The following MS4A8 variants were observed in gnomAD, a reference collection of about 807,000 sequenced individuals.
MS4A8 encodes membrane spanning 4-domains A8.
Under a neutral mutation model 23.7 loss-of-function variants are expected in MS4A8, and 27 were observed. The ratio of observed to expected loss-of-function variants is 1.14; its 90% CI spans 0.84 to 1.57. The LOEUF (loss-of-function observed/expected upper bound fraction) is 1.57. Ranked by LOEUF, MS4A8 falls within the 40% of genes most tolerant of loss-of-function variation. MS4A8 has a pLI of 0.00. For missense variants in MS4A8, 301 were observed against 311.4 expected, an observed-to-expected ratio of 0.97 and a Z score of 0.25; for synonymous variants, 138 against 126.3, an observed-to-expected ratio of 1.09 and a Z score of -0.62.
chr11:60,705,920 C>T (rs191328290), intron 3 of MS4A8, among the ~76,000 whole-genome samples: 2 of 152,300 alleles, frequency 1.3e-5, no homozygotes, highest in African/African-American at 4.8e-5. Flanking sequence ...TCAGTCTCCT[C>T]ATTGATAAAA....
Position 60,708,640 on chromosome 11 carries a change from T to A in MS4A8, c.403-10T>A. 6.6e-7 allele frequency: 1 copy of A among 1,510,644 alleles called. No individual in the cohort carries two copies. The highest frequency in any genetic ancestry group is 1.4e-5 in the South Asian group (1 of 71,796). 93.6% of individuals were successfully genotyped at this position (1,510,644 alleles called of 1,614,324 possible). ...TTCTCGCCCATCCTGACCCTCTGTG[T>A]CTTCTTCAGCTGTCTGGCAGTTTGG... On this transcript the variant is annotated splice_polypyrimidine_tract_variant and intron_variant, in intron 4 of 6. Transcript: ENST00000300226.
intron 5 of MS4A8, among the ~76,000 whole-genome samples, chr11:60,712,946 G>T (rs563752729): frequency 6.6e-6 from 1 of 152,090 alleles, no homozygotes; most frequent in African/African-American, 2.4e-5. Context: ...ATTGAAACTC[G>T]CTTCCCAGAT....
At chr11:60,707,698 A>G (rs572275825) in intron 4 of MS4A8, among the ~76,000 whole-genome samples, 1 of 152,236 alleles carries the variant, frequency 6.6e-6, no homozygotes, top group African/African-American at 2.4e-5. Flanking sequence ...GCCCAGAATC[A>G]TGGAGCATCT....
Position 60,703,358 on chromosome 11 carries a change from G to A in MS4A8, c.220-20G>A. 1 of 1,528,288 alleles carries A rather than the reference G, an allele frequency of 6.5e-7. No homozygotes were observed. Among genetic ancestry groups the A allele is most frequent in the Non-Finnish European group, 8.8e-7 (1 of 1,139,130 alleles). The allele number at this position is 1,528,288 out of a possible 1,614,324, so 94.7% of individuals were successfully genotyped here. A position where few individuals can be genotyped will look rare whatever the true frequency, so the allele number is the denominator to read the frequency against. On this transcript the variant is annotated intron_variant, in intron 2 of 6. Transcript: ENST00000300226. ...ACCCAGCCTCAGAAACAAGACTTCA[G>A]CTTGTGGCTCTCCTGACAGGCCATC...
At chr11:60,704,022 G>A (rs2088230276) in intron 3 of MS4A8, among the ~76,000 whole-genome samples, 1 of 152,136 alleles carries the variant, frequency 6.6e-6, no homozygotes, top group Non-Finnish European at 1.5e-5. Context: ...GAAATTTGGT[G>A]GGGGATAGAG....
chr11:60,714,027 C>T (rs1327287245), intron 5 of MS4A8, among the ~76,000 whole-genome samples: 2 of 147,012 alleles, frequency 1.4e-5, no homozygotes, highest in Non-Finnish European at 2.9e-5. Flanking sequence ...CGGGTTCATG[C>T]CATTCTCCTG....
intron 5 of MS4A8, chr11:60,712,564 C>T: frequency 2.2e-6 from 2 of 900,124 alleles, no homozygotes; most frequent in South Asian, 1.0e-4. Context: ...GAGACCGAGG[C>T]AGGTGGATCA....
chr11:60,713,023 C>G (rs1273019867), intron 5 of MS4A8, among the ~76,000 whole-genome samples: 1 of 152,084 alleles, frequency 6.6e-6, no homozygotes, highest in East Asian at 1.9e-4. Flanking sequence ...CTATTTCTCC[C>G]GGTTACCTCC....
intron 5 of MS4A8, among the ~76,000 whole-genome samples, chr11:60,714,070 A>G (rs1384181141): frequency 3.4e-5 from 5 of 147,550 alleles, no homozygotes; most frequent in Non-Finnish European, 7.4e-5. Context: ...GACTACAGGC[A>G]CCCGCCACCG....
Position 60,708,630 on chromosome 11 carries a change from AC to A in MS4A8, c.403-17del, listed in dbSNP as rs755615913. 12 of 1,495,502 alleles carry A rather than the reference AC, an allele frequency of 8.0e-6. No individual in the cohort carries two copies. Among genetic ancestry groups the A allele is most frequent in the Non-Finnish European group, 1.1e-5 (12 of 1,125,010 alleles). 92.6% of individuals were successfully genotyped at this position (1,495,502 alleles called of 1,614,324 possible). On this transcript the variant is annotated intron_variant, in intron 4 of 6. Coordinates refer to ENST00000300226, the MANE Select transcript of MS4A8 (RefSeq NM_031457.2). ...ATAACAGCTTTTCTCGCCCATCCTG[AC>A]CCTCTGTGTCTTCTTCAGCTGTCTG...
intron 1 of MS4A8, among the ~76,000 whole-genome samples, chr11:60,699,991 T>C (rs577751252): frequency 6.6e-6 from 1 of 152,322 alleles, no homozygotes; most frequent in East Asian, 1.9e-4. Flanking sequence ...CACATTAGAA[T>C]GTATAAGTAG....
chr11:60,703,357 A>G, intron 2 of MS4A8, 21 bp from the exon 3 acceptor site: 1 of 1,519,450 alleles, frequency 6.6e-7, no homozygotes, highest in Admixed American at 2.3e-5. Context: ...ACAAGACTTC[A>G]GCTTGTGGCT....
At chr11:60,708,598 C>T in intron 4 of MS4A8, 52 bp from the exon 5 acceptor site, 1 of 1,471,532 alleles carries the variant, frequency 6.8e-7, no homozygotes, top group Non-Finnish European at 9.0e-7. Flanking sequence ...CTCCATTCAT[C>T]TCAGCTATAA....
intron 5 of MS4A8, among the ~76,000 whole-genome samples, chr11:60,710,008 C>T (rs2134660531): frequency 6.6e-6 from 1 of 152,220 alleles, no homozygotes; most frequent in Middle Eastern, 3.4e-3. Context: ...TCCCTAAACA[C>T]CTGCTCTTCT....
intron 5 of MS4A8, among the ~76,000 whole-genome samples, chr11:60,711,673 T>A (rs974554722): frequency 6.6e-6 from 1 of 151,992 alleles, no homozygotes; most frequent in Non-Finnish European, 1.5e-5. Flanking sequence ...GACTGCCCAA[T>A]AGAAGAAATT....
intron 2 of MS4A8, chr11:60,701,503 C>T (rs908134730): frequency 5.6e-6 from 2 of 358,224 alleles, no homozygotes; most frequent in East Asian, 7.3e-5. Flanking sequence ...AAATGGTCAC[C>T]GCAACCCCTG....
At chr11:60,709,850 C>T (rs1487863380) in intron 5 of MS4A8, among the ~76,000 whole-genome samples, 3 of 152,226 alleles carry the variant, frequency 2.0e-5, no homozygotes, top group Admixed American at 6.5e-5. Flanking sequence ...ACCTCCTCTT[C>T]GTTGTACTTC....
chr11:60,706,674 A>G (rs981434069), intron 3 of MS4A8, among the ~76,000 whole-genome samples: 1 of 152,254 alleles, frequency 6.6e-6, no homozygotes, highest in Non-Finnish European at 1.5e-5. Context: ...TCTCATGACA[A>G]TGACACTTGG....
chr11:60,703,461 T>C lies in MS4A8; in HGVS notation c.303T>C (p.Ile101=). The C allele has an allele frequency of 6.2e-7, 1 of 1,609,266 alleles. No homozygotes were observed. Among genetic ancestry groups the C allele is most frequent in the Non-Finnish European group, 8.5e-7 (1 of 1,178,216 alleles). Residue 101 remains isoleucine (I), a synonymous_variant, in exon 3 of 7, where the codon ATT becomes ATC. Coordinates refer to ENST00000300226, the MANE Select transcript of MS4A8 (RefSeq NM_031457.2). The part of the protein sequence containing the change: ...ATVLVGEYLS[I]SFYGGFPFWG... The stretch of plus-strand genomic sequence containing the variant: ...TTCTCGTAGGGGAATACCTGTCTAT[T>C]TCATTCTACGGAGGCTTTCCCTTCT...
Sources: gnomAD v4.1 joint callset for allele counts (sites outside exome capture counted in the v4.1 genomes callset) on GRCh38, gnomAD v4.1.1 for gene constraint, MANE v1.5 for transcripts, NCBI Gene and HGNC (gene_info 2026-07-23, HGNC 2026-07-21) for gene names.